Variants in GRID2 observed in about 807,000 individuals in gnomAD.
GRID2 encodes glutamate ionotropic receptor delta type subunit 2, also known as glutamate receptor ionotropic, delta-2.
Under a neutral mutation model 114.8 loss-of-function variants are expected in GRID2, and 33 were observed. That is an observed-to-expected ratio of 0.29 (90% CI 0.22 to 0.38). GRID2 has a LOEUF of 0.38. GRID2 is among the 10% of genes least tolerant of loss of function. The pLI, the probability that GRID2 is intolerant of heterozygous loss-of-function variation, is 1.00. For missense variants in GRID2, 1,184 were observed against 1,257.7 expected (o/e 0.94, Z 0.89); for synonymous variants, 505 against 449.9 (o/e 1.12, Z -1.55).
chr4:93,783,478 A>G (rs1012141152), intron 1 of GRID2, among the ~76,000 whole-genome samples: 1 of 152,194 alleles, frequency 6.6e-6, no homozygotes, highest in African/African-American at 2.4e-5. Context: ...TTTGTACACT[A>G]TGGGATCCAT....
intron 3 of GRID2, among the ~76,000 whole-genome samples, chr4:93,090,928 G>C (rs1241007548): frequency 6.6e-6 from 1 of 152,106 alleles, no homozygotes; most frequent in African/African-American, 2.4e-5. Flanking sequence ...ATTCAGTCCA[G>C]TTCTTGTTTA....
In GRID2 at chr4:92,845,814, A is replaced by G. The variant is rs1221002304; in HGVS notation, c.245-239181A>G. Among the ~76,000 whole-genome samples, 5 of 152,142 alleles carry G rather than the reference A, an allele frequency of 3.3e-5. No homozygotes were observed. The East Asian group carries it at 9.7e-4, about 29-fold the overall frequency. On this transcript the variant is annotated intron_variant, in intron 2 of 15. Coordinates refer to ENST00000282020, the MANE Select transcript of GRID2 (RefSeq NM_001510.4). ...AGCATGTATTTGTTTCACATATACA[A>G]GCTTTGCTCTAGTGTGTAGTAATTT...
intron 1 of GRID2, among the ~76,000 whole-genome samples, chr4:92,490,321 A>G (rs1441391869): frequency 6.6e-6 from 1 of 152,180 alleles, no homozygotes; most frequent in Admixed American, 6.6e-5. Flanking sequence ...AGAAAAAATT[A>G]TAGGTATCTT....
chr4:92,801,853 G>A (rs1165973956), intron 2 of GRID2, among the ~76,000 whole-genome samples: 1 of 151,704 alleles, frequency 6.6e-6, no homozygotes, highest in Non-Finnish European at 1.5e-5. Flanking sequence ...TATAGATAAA[G>A]AAACTGAGGA....
chr4:92,317,833 A>T (rs1726077866), intron 1 of GRID2, among the ~76,000 whole-genome samples: 1 of 152,204 alleles, frequency 6.6e-6, no homozygotes, highest in South Asian at 2.1e-4. Flanking sequence ...GAAGAATATT[A>T]TCACTGAAAA....
intron 9 of GRID2, among the ~76,000 whole-genome samples, chr4:93,410,541 C>T (rs1299355783): frequency 2.0e-5 from 3 of 152,158 alleles, no homozygotes; most frequent in Non-Finnish European, 4.4e-5. Flanking sequence ...TCCTCTCTTG[C>T]ATCTTCAACA....
At chr4:92,362,121 G>C (rs909451507) in intron 1 of GRID2, among the ~76,000 whole-genome samples, 1 of 152,024 alleles carries the variant, frequency 6.6e-6, no homozygotes, top group Non-Finnish European at 1.5e-5. Context: ...CCCCTTCACA[G>C]TAGTTATCAT....
intron 8 of GRID2, among the ~76,000 whole-genome samples, chr4:93,334,813 C>T (rs1336144660): frequency 2.0e-5 from 3 of 152,088 alleles, no homozygotes; most frequent in Non-Finnish European, 4.4e-5. Flanking sequence ...TGCCTGTAAT[C>T]CCGGCTACTC....
intron 2 of GRID2, among the ~76,000 whole-genome samples, chr4:92,592,929 G>A (rs943844660): frequency 1.3e-5 from 2 of 151,892 alleles, no homozygotes; most frequent in African/African-American, 4.8e-5. Context: ...TTTTGAGGAA[G>A]TAATTTAGGA....
chr4:93,710,996 A>G (rs1728432228), intron 14 of GRID2, among the ~76,000 whole-genome samples: 2 of 151,916 alleles, frequency 1.3e-5, no homozygotes, highest in Non-Finnish European at 2.9e-5. Flanking sequence ...TTCCCTTCTC[A>G]CCCAGGGCAG....
At chr4:93,013,434 T>C (rs1242948277) in intron 2 of GRID2, among the ~76,000 whole-genome samples, 1 of 152,018 alleles carries the variant, frequency 6.6e-6, no homozygotes, top group African/African-American at 2.4e-5. Flanking sequence ...CAAATAAGCC[T>C]ACATACACTA....
At chr4:92,701,238 A>T (rs981467679) in intron 2 of GRID2, among the ~76,000 whole-genome samples, 3 of 152,154 alleles carry the variant, frequency 2.0e-5, no homozygotes, top group Non-Finnish European at 2.9e-5. Context: ...AATGCATAAT[A>T]AAAACCTAAT....
At chr4:92,798,354 A>G (rs957848125) in intron 2 of GRID2, among the ~76,000 whole-genome samples, 4 of 152,068 alleles carry the variant, frequency 2.6e-5, no homozygotes, top group Admixed American at 6.6e-5. Flanking sequence ...ATACTAAAAA[A>G]AGTGACAAGG....
chr4:93,028,050 C>A (rs1029499542), intron 2 of GRID2, among the ~76,000 whole-genome samples: 1 of 152,106 alleles, frequency 6.6e-6, no homozygotes, highest in Non-Finnish European at 1.5e-5. Context: ...CTGCTGCATA[C>A]TTTCTATTCA....
intron 4 of GRID2, among the ~76,000 whole-genome samples, chr4:93,194,130 G>T (rs1741253438): frequency 6.6e-6 from 1 of 152,114 alleles, no homozygotes; most frequent in Non-Finnish European, 1.5e-5. Context: ...AAGAGCAGTG[G>T]AATCCAATGA....
chr4:92,471,236 A>G (rs192942489), intron 1 of GRID2, among the ~76,000 whole-genome samples: 1 of 152,164 alleles, frequency 6.6e-6, no homozygotes, highest in African/African-American at 2.4e-5. Context: ...TGTTTTAATT[A>G]TTGTTGATCT....
intron 8 of GRID2, among the ~76,000 whole-genome samples, chr4:93,338,949 C>T (rs6827657): frequency 0.19 from 28,650 of 151,932 alleles, 5,289 homozygotes; most frequent in African/African-American, 0.48. Flanking sequence ...ATGAAAGAGT[C>T]ATTGTGATTT....
chr4:92,929,853 A>G (rs1373497734), intron 2 of GRID2, among the ~76,000 whole-genome samples: 1 of 151,368 alleles, frequency 6.6e-6, no homozygotes, highest in East Asian at 1.9e-4. Flanking sequence ...AAAAAGGTTA[A>G]TATGTAAAAG....
rs540160709 is a variant in GRID2 at position 92,494,057 on chromosome 4, C to T, written c.89-96074C>T. Among the ~76,000 whole-genome samples the T allele has an allele frequency of 3.2e-4, 49 of 152,208 alleles. No homozygotes were observed. The South Asian group carries it at 6.6e-3, about 21-fold the overall frequency. ...TTTTTGTTGCAGAGCCAAAAAGTTA[C>T]TGTGCTATATTCATTATGGTATCCA... On this transcript the variant is annotated intron_variant, in intron 1 of 15. Coordinates refer to ENST00000282020, the MANE Select transcript of GRID2 (RefSeq NM_001510.4).
Sources: gnomAD v4.1 joint callset for allele counts (sites outside exome capture counted in the v4.1 genomes callset) on GRCh38, gnomAD v4.1.1 for gene constraint, MANE v1.5 for transcripts, NCBI Gene and HGNC (gene_info 2026-07-23, HGNC 2026-07-21) for gene names.